CAPN12: variants seen among roughly 807,000 people sequenced by gnomAD.
CAPN12 encodes the protein calpain-12.
In CAPN12, 107 loss-of-function variants were observed where a neutral mutation model predicts 95.0. The observed-to-expected ratio is 1.13, with a 90% CI of 0.96 to 1.32. CAPN12 has a LOEUF of 1.32. Among genes scored for constraint, CAPN12 ranks in the 40% most tolerant of loss-of-function variants. The pLI is 0.00. For synonymous variants in CAPN12, 505 were observed against 415.5 expected (o/e 1.22, Z -2.62); for missense variants, 1,136 against 997.8 (o/e 1.14, Z -1.87).
rs1446338147 is a variant in CAPN12, at chr19:38,737,355, G to A, written c.1163C>T (p.Thr388Met). Residue 388 changes from threonine to methionine, a missense_variant, in exon 10 of 21, where the codon ACG becomes ATG. Physicochemically the swap from Thr to Met is moderately conservative, Grantham distance 81 (BLOSUM62 -1). Transcript: ENST00000328867. ...ATCCTCCTCATCAGGCTCCAGCAGCGTTAAACGGAACTGAGGATTGGTCCA... is the reference window on the plus strand; with the variant it reads ...ATCCTCCTCATCAGGCTCCAGCAGCATTAAACGGAACTGAGGATTGGTCCA... ...TFWTNPQFRL[T>M]LLEPDEEDDE... The A allele has an allele frequency of 6.3e-7, 1 of 1,599,488 alleles. No homozygotes were observed. The highest frequency in any genetic ancestry group is 8.5e-7 in the Non-Finnish European group (1 of 1,174,134).
At chr19:38,731,048 T>G in intron 19 of CAPN12, 25 bp from the exon 20 acceptor site, 1 of 1,557,880 alleles carries the variant, frequency 6.4e-7, no homozygotes, top group Non-Finnish European at 8.7e-7. Context: ...GCAGGGTGAG[T>G]GCCCACCAGT....
rs144919021 is a variant in CAPN12 at position 38,731,175 on chromosome 19, C to T, written c.2006G>A (p.Arg669Gln). The T allele has an allele frequency of 2.5e-5, 41 of 1,613,188 alleles. No homozygotes were observed. The highest frequency in any genetic ancestry group is 6.7e-5 in the African/African-American group (5 of 75,050). The change falls in exon 19 of 21, where the codon CGG (arginine) becomes CAG (glutamine). Residue 669 changes from arginine to glutamine, a missense_variant. Physicochemically the swap from Arg to Gln is conservative, Grantham distance 43. Coordinates refer to ENST00000328867, the MANE Select transcript of CAPN12 (RefSeq NM_144691.4). ...QLTQTLTSRY[R>Q]DSRLRVDFER... ...GAAGTCCACACGCAGACGGCTATCC[C>T]GGTAGCGGCTGGTGAGGGTCTGGGT...
chr19:38,740,603 C>T (rs1278928431), intron 4 of CAPN12, among the ~76,000 whole-genome samples: 1 of 152,248 alleles, frequency 6.6e-6, no homozygotes, highest in South Asian at 2.1e-4. Context: ...AGTTTGAGAC[C>T]AGCCTGGCCA....
chr19:38,741,941 G>C, intron 3 of CAPN12, 31 bp from the exon 4 acceptor site: 1 of 1,608,856 alleles, frequency 6.2e-7, no homozygotes, highest in Non-Finnish European at 8.5e-7. Context: ...GCCGGACTCG[G>C]CTTCCAACCT....
At position 38,736,152 on chromosome 19, in the gene CAPN12, T is replaced by C. The variant is rs1191342095; in HGVS notation, c.1541A>G (p.Asp514Gly). 8 of 1,514,700 alleles carry C rather than the reference T, an allele frequency of 5.3e-6. No individual in the cohort carries two copies. The highest frequency in any genetic ancestry group is 7.0e-6 in the Non-Finnish European group (8 of 1,134,950). The allele number at this position is 1,514,700 out of a possible 1,614,324, so 93.8% of individuals were successfully genotyped here. A position where few individuals can be genotyped will look rare whatever the true frequency, so the allele number is the denominator to read the frequency against. Residue 514 changes from aspartate (D) to glycine (G), a missense_variant, in exon 12 of 21, where the codon GAC becomes GGC. Asp to Gly is a moderately conservative substitution (Grantham distance 94). Coordinates refer to ENST00000328867, the MANE Select transcript of CAPN12 (RefSeq NM_144691.4). ...CTCGGAGAAGACACGCAGAGTGAAG[T>C]CAGCCTCGTCGCCGGCGTGGGCGGT... is the stretch of plus-strand genomic sequence containing the variant. ...PSTAHAGDEA[D>G]FTLRVFSERR...
intron 5 of CAPN12, 24 bp from the exon 6 acceptor site, chr19:38,738,672 G>T (rs1244443673): frequency 6.2e-7 from 1 of 1,611,992 alleles, no homozygotes; most frequent in Non-Finnish European, 8.5e-7. Flanking sequence ...GGGATGGTGA[G>T]GCCAAGGTAG....
chr19:38,744,652 T>A (rs1970780299), upstream of CAPN12, among the ~76,000 whole-genome samples: 1 of 152,206 alleles, frequency 6.6e-6, no homozygotes, highest in Non-Finnish European at 1.5e-5. Flanking sequence ...CTCAGCTCAC[T>A]GCAACCTCCG....
chr19:38,733,103 CTT>C (rs1172061885), intron 18 of CAPN12: 32 of 136,268 alleles, frequency 2.3e-4, no homozygotes, highest in Admixed American at 4.5e-4. Flanking sequence ...TGTGTACTAG[CTT>C]TTTTTTTTTT....
chr19:38,740,144 G>A lies in CAPN12; in HGVS notation c.636C>T (p.Gly212=), dbSNP rs754685472. The change falls in exon 5 of 21, where the codon GGC becomes GGT. Residue 212 remains glycine, a synonymous_variant. Coordinates refer to ENST00000328867, the MANE Select transcript of CAPN12 (RefSeq NM_144691.4). ...EAFVDFTGGV[G]EVLYLRQNSM... ...TGTTTTGTCTCAGATAGAGCACCTCGCCCACGCCGCCTGTGAAATCCACAA... is the reference window on the plus strand; with the variant it reads ...TGTTTTGTCTCAGATAGAGCACCTCACCCACGCCGCCTGTGAAATCCACAA... 9.3e-6 allele frequency: 15 copies of A among 1,613,494 alleles called. No homozygotes were observed. The African/African-American group carries it at 1.1e-4, about 11-fold the overall frequency.
upstream of CAPN12, chr19:38,744,500 T>A (rs1197722081): frequency 5.0e-6 from 2 of 400,772 alleles, no homozygotes; most frequent in East Asian, 1.1e-4. Flanking sequence ...TGCCTACTTA[T>A]GCCTGTGGGG....
In CAPN12 at chr19:38,741,782, G is replaced by C. The variant is rs751875254; in HGVS notation, c.555C>G (p.Tyr185Ter). 3.7e-6 allele frequency: 6 copies of C among 1,613,830 alleles called. No individual in the cohort carries two copies. The highest frequency in any genetic ancestry group is 5.1e-6 in the Non-Finnish European group (6 of 1,180,008). ...GTTGGAACTGGGGTCCTCACTTGGC[G>C]TAGGCCTTCTCCAGGAGTGGGGCCC... The part of the protein sequence containing the change: ...EFWAPLLEKA[Y>*]AKLHGSYEVM... Residue 185 changes from tyrosine (Y) to a stop codon, truncating the protein, a stop_gained, in exon 4 of 21, where the codon TAC becomes TAG. Coordinates refer to ENST00000328867, the MANE Select transcript of CAPN12 (RefSeq NM_144691.4). LOFTEE classifies it high-confidence loss of function.
intron 1 of CAPN12, among the ~76,000 whole-genome samples, chr19:38,743,549 T>TCC (rs1333194165): frequency 7.0e-5 from 3 of 42,724 alleles, no homozygotes; most frequent in African/African-American, 2.9e-4. Context: ...GGAGTCCAGG[T>TCC]CCAGCCCCTC....
rs1177110458 is a variant in CAPN12, at chr19:38,735,299, G to A, written c.1686+71C>T. ...GCAAAATGAGACACCTGAGATGCTGGGGTGGGGGAAGGGGGGTCCCCAAGG... is the reference window on the plus strand; with the variant it reads ...GCAAAATGAGACACCTGAGATGCTGAGGTGGGGGAAGGGGGGTCCCCAAGG... On this transcript the variant is annotated intron_variant, in intron 14 of 20. Coordinates refer to ENST00000328867, the MANE Select transcript of CAPN12 (RefSeq NM_144691.4). The A allele has an allele frequency of 2.1e-6, 3 of 1,422,718 alleles. No homozygotes were observed. In the South Asian group the frequency reaches 4.2e-5, roughly 20 times the overall value. 88.1% of individuals were successfully genotyped at this position (1,422,718 alleles called of 1,614,324 possible).
intron 18 of CAPN12, among the ~76,000 whole-genome samples, chr19:38,732,234 C>T (rs546096784): frequency 6.6e-6 from 1 of 152,366 alleles, no homozygotes; most frequent in African/African-American, 2.4e-5. Context: ...CCCTCACCTC[C>T]ACTCCTGTCT....
chr19:38,740,028 G>C, intron 5 of CAPN12, 23 bp downstream of exon 5: 1 of 1,529,904 alleles, frequency 6.5e-7, no homozygotes, highest in Non-Finnish European at 8.8e-7. Context: ...TGGGGGTTCC[G>C]CATGCGAGTC....
chr19:38,731,538 G>A (rs1052800418), intron 18 of CAPN12: 7 of 420,016 alleles, frequency 1.7e-5, no homozygotes, highest in Non-Finnish European at 3.1e-5. Flanking sequence ...CTTGCCAGTG[G>A]GCACTGGAGG....
chr19:38,733,820 C>T, intron 17 of CAPN12, 39 bp from the exon 18 acceptor site: 1 of 1,539,854 alleles, frequency 6.5e-7, no homozygotes, highest in South Asian at 1.1e-5. Flanking sequence ...CCTCCATGCC[C>T]TGAAGAGGGC....
In CAPN12 at chr19:38,737,520, G is replaced by A. The variant is rs537731648; in HGVS notation, c.1084C>T (p.Arg362Cys). ...CCGGAGTTGAAGCCACGCACCCAGCGGCCTTGGAAGGTGTGGACGTGCCAG... is the reference window on the plus strand; with the variant it reads ...CCGGAGTTGAAGCCACGCACCCAGCAGCCTTGGAAGGTGTGGACGTGCCAG... The part of the protein sequence containing the change: ...GGWHVHTFQG[R>C]WVRGFNSGGS... Residue 362 changes from arginine (R) to cysteine (C), a missense_variant, in exon 9 of 21, where the codon CGC becomes TGC. By Grantham distance (180) the Arg-to-Cys change is radical (BLOSUM62 -3). Transcript: ENST00000328867. The A allele has an allele frequency of 9.2e-5, 148 of 1,612,500 alleles. 3 individuals carry two copies. The South Asian group carries it at 1.5e-3, about 16-fold the overall frequency.
chr19:38,742,933 G>T, intron 2 of CAPN12, 100 bp downstream of exon 2: 1 of 998,776 alleles, frequency 1.0e-6, no homozygotes, highest in Non-Finnish European at 1.6e-6. Flanking sequence ...ACTGAGGAGG[G>T]ATCCAGGGGC....
Sources: gnomAD v4.1 joint callset for allele counts (sites outside exome capture counted in the v4.1 genomes callset) on GRCh38, gnomAD v4.1.1 for gene constraint, MANE v1.5 for transcripts, NCBI Gene and HGNC (gene_info 2026-07-23, HGNC 2026-07-21) for gene names.